Variants in MDFIC2 observed in about 807,000 individuals in gnomAD.
The protein encoded by MDFIC2 is MyoD family inhibitor domain containing 2.
intron 2 of MDFIC2, among the ~76,000 whole-genome samples, chr3:70,215,974 A>G (rs1279506362): frequency 6.6e-6 from 1 of 152,044 alleles, no homozygotes; most frequent in Non-Finnish European, 1.5e-5. Flanking sequence ...TTGGTATTTT[A>G]TTTTGATTTG....
chr3:70,273,671 A>T (rs77412059), intron 2 of MDFIC2, among the ~76,000 whole-genome samples: 5,092 of 152,316 alleles, frequency 0.033, 279 homozygotes, highest in African/African-American at 0.12. Context: ...CTTGGCACAC[A>T]TATGCTGCCA....
At chr3:70,310,594 G>A (rs1015265753) in intron 2 of MDFIC2, among the ~76,000 whole-genome samples, 1 of 151,974 alleles carries the variant, frequency 6.6e-6, no homozygotes, top group African/African-American at 2.4e-5. Flanking sequence ...TTGATCTCCT[G>A]ACCGCAAGTG....
At chr3:70,303,786 A>G (rs1379393296) in intron 2 of MDFIC2, among the ~76,000 whole-genome samples, 1 of 152,010 alleles carries the variant, frequency 6.6e-6, no homozygotes, top group Non-Finnish European at 1.5e-5. Flanking sequence ...GGTTCCAGAG[A>G]TTCTCTTGCC....
chr3:70,225,838 G>T (rs1384927119), intron 2 of MDFIC2, among the ~76,000 whole-genome samples: 4 of 152,160 alleles, frequency 2.6e-5, no homozygotes, highest in Non-Finnish European at 5.9e-5. Context: ...GTTATAATGA[G>T]CTTTGTTTAG....
intron 2 of MDFIC2, among the ~76,000 whole-genome samples, chr3:70,293,084 A>G (rs886162416): frequency 6.7e-6 from 1 of 149,948 alleles, no homozygotes; most frequent in Non-Finnish European, 1.5e-5. Context: ...AGCATATTAC[A>G]TGACGAGAAG....
chr3:70,277,486 T>G (rs1045906430), intron 2 of MDFIC2, among the ~76,000 whole-genome samples: 1 of 152,156 alleles, frequency 6.6e-6, no homozygotes, highest in Non-Finnish European at 1.5e-5. Flanking sequence ...CTTGATAATA[T>G]TTAGAATAAG....
chr3:70,264,636 C>A (rs995929814), intron 2 of MDFIC2, among the ~76,000 whole-genome samples: 1 of 152,208 alleles, frequency 6.6e-6, no homozygotes, highest in Non-Finnish European at 1.5e-5. Context: ...TTACTGAGCA[C>A]TGAAAGTATG....
At chr3:70,240,674 A>C (rs1020544008) in intron 2 of MDFIC2, among the ~76,000 whole-genome samples, 6 of 152,150 alleles carry the variant, frequency 3.9e-5, no homozygotes, top group Non-Finnish European at 7.4e-5. Context: ...ATTGCTGACT[A>C]TAGTACCAAT....
intron 2 of MDFIC2, among the ~76,000 whole-genome samples, chr3:70,254,879 T>C (rs1477801325): frequency 6.6e-6 from 1 of 152,232 alleles, no homozygotes; most frequent in East Asian, 1.9e-4. Flanking sequence ...GAGCATATTA[T>C]ATAAAATTGT....
chr3:70,296,492 T>C (rs1189469639), intron 2 of MDFIC2, among the ~76,000 whole-genome samples: 2 of 152,204 alleles, frequency 1.3e-5, no homozygotes, highest in East Asian at 1.9e-4. Flanking sequence ...TTAACATAAT[T>C]TTCCAAATAA....
intron 2 of MDFIC2, among the ~76,000 whole-genome samples, chr3:70,237,970 G>A (rs1367038856): frequency 8.2e-5 from 5 of 60,926 alleles, no homozygotes; most frequent in African/African-American, 1.0e-4. Flanking sequence ...GAAACTAATT[G>A]AGTGGTATCT....
At chr3:70,271,713 T>A (rs6549322) in intron 2 of MDFIC2, 4 of 152,050 alleles carry the variant, frequency 2.6e-5, no homozygotes, top group Non-Finnish European at 2.9e-5. Flanking sequence ...AAGAATGAAA[T>A]TGTAGCCCTA....
At chr3:70,224,448 C>G (rs574110082) in intron 2 of MDFIC2, among the ~76,000 whole-genome samples, 1 of 152,282 alleles carries the variant, frequency 6.6e-6, no homozygotes, top group East Asian at 1.9e-4. Flanking sequence ...TAAAAGGTGG[C>G]CCTTTTTTAA....
At chr3:70,285,299 T>C (rs932544823) in intron 2 of MDFIC2, among the ~76,000 whole-genome samples, 13 of 148,292 alleles carry the variant, frequency 8.8e-5, no homozygotes, top group African/African-American at 2.7e-4. Context: ...TGAGTGAGAA[T>C]ATGTGGTGTT....
intron 2 of MDFIC2, among the ~76,000 whole-genome samples, chr3:70,285,867 T>C (rs1413262184): frequency 1.3e-5 from 2 of 151,940 alleles, no homozygotes; most frequent in African/African-American, 2.4e-5. Flanking sequence ...TTTTGAGAAG[T>C]GTCTGTTCAT....
intron 2 of MDFIC2, among the ~76,000 whole-genome samples, chr3:70,240,243 GAA>G (rs1259409196): frequency 3.3e-5 from 5 of 151,808 alleles, no homozygotes; most frequent in Admixed American, 1.3e-4. Flanking sequence ...CTTTCTATGT[GAA>G]AAAAGTTTCC....
intron 2 of MDFIC2, among the ~76,000 whole-genome samples, chr3:70,247,201 G>A (rs1701715753): frequency 1.3e-5 from 2 of 151,844 alleles, no homozygotes; most frequent in South Asian, 4.2e-4. Context: ...TGTGTTTTCA[G>A]ACATAATGGT....
At chr3:70,239,229 T>G (rs1310953944) in intron 2 of MDFIC2, among the ~76,000 whole-genome samples, 2 of 152,230 alleles carry the variant, frequency 1.3e-5, no homozygotes, top group Admixed American at 1.3e-4. Context: ...GAAATTTACC[T>G]GTATCTTGTA....
intron 2 of MDFIC2, among the ~76,000 whole-genome samples, chr3:70,281,791 A>T (rs1450328419): frequency 6.6e-6 from 1 of 152,166 alleles, no homozygotes; most frequent in Non-Finnish European, 1.5e-5. Context: ...GCAGTTCAAA[A>T]TTCTTGCACA....
Sources: gnomAD v4.1 joint callset for allele counts (sites outside exome capture counted in the v4.1 genomes callset) on GRCh38, gnomAD v4.1.1 for gene constraint, MANE v1.5 for transcripts, NCBI Gene and HGNC (gene_info 2026-07-23, HGNC 2026-07-21) for gene names.